Variants in CCSER1 observed in about 807,000 individuals in gnomAD.
The protein encoded by CCSER1 is coiled-coil serine rich protein 1, also known as serine-rich coiled-coil domain-containing protein 1.
In CCSER1, 41 loss-of-function variants were observed where a neutral mutation model predicts 82.0. That is an observed-to-expected ratio of 0.50 (90% CI 0.39 to 0.65). The LOEUF (loss-of-function observed/expected upper bound fraction) is 0.65. CCSER1 is among the 30% of genes least tolerant of loss of function. The pLI, the probability that CCSER1 is intolerant of heterozygous loss-of-function variation, is 0.00. For synonymous variants in CCSER1, 414 were observed against 383.9 expected, an observed-to-expected ratio of 1.08 and a Z score of -0.92; for missense variants, 1,119 against 1,064.2, an observed-to-expected ratio of 1.05 and a Z score of -0.72.
intron 10 of CCSER1, among the ~76,000 whole-genome samples, chr4:91,162,610 C>T (rs1731543288): frequency 6.6e-6 from 1 of 152,118 alleles, no homozygotes; most frequent in African/African-American, 2.4e-5. Context: ...ATTTCAGAGC[C>T]TGTTACTGGT....
At chr4:91,164,935 G>A (rs1421635028) in intron 10 of CCSER1, among the ~76,000 whole-genome samples, 1 of 152,210 alleles carries the variant, frequency 6.6e-6, no homozygotes, top group East Asian at 1.9e-4. Context: ...ACTTCTGTCA[G>A]CTCGTCAAAG....
intron 10 of CCSER1, among the ~76,000 whole-genome samples, chr4:91,130,238 T>C (rs1375607141): frequency 6.6e-6 from 1 of 151,854 alleles, no homozygotes; most frequent in Admixed American, 6.6e-5. Context: ...CTAAATGACT[T>C]ATTTTTATAT....
chr4:90,401,593 G>A (rs948238745), intron 4 of CCSER1, among the ~76,000 whole-genome samples: 2 of 152,074 alleles, frequency 1.3e-5, no homozygotes, highest in Admixed American at 6.5e-5. Context: ...GAGTCCAGTG[G>A]CGTGATCTCA....
intron 10 of CCSER1, among the ~76,000 whole-genome samples, chr4:91,143,910 C>T (rs182389458): frequency 3.9e-3 from 597 of 152,104 alleles, no homozygotes; most frequent in Middle Eastern, 0.01. Flanking sequence ...TATCTATGTT[C>T]ATCAGGGATA....
At chr4:90,230,245 A>G (rs1236879652) in intron 1 of CCSER1, among the ~76,000 whole-genome samples, 1 of 152,176 alleles carries the variant, frequency 6.6e-6, no homozygotes, top group Non-Finnish European at 1.5e-5. Context: ...AGCAAATGTA[A>G]AAGAACAGAA....
intron 1 of CCSER1, among the ~76,000 whole-genome samples, chr4:90,236,814 TATC>T (rs371308876): frequency 7.9e-5 from 12 of 152,286 alleles, no homozygotes; most frequent in East Asian, 7.7e-4. Flanking sequence ...TATTTAAAGT[TATC>T]ATAACATGTT....
chr4:90,948,629 A>G (rs1732545022), intron 9 of CCSER1, among the ~76,000 whole-genome samples: 1 of 152,124 alleles, frequency 6.6e-6, no homozygotes, highest in African/African-American at 2.4e-5. Flanking sequence ...TAATTTTCTA[A>G]GTTTTGTAGA....
chr4:90,357,707 C>T (rs1744612066), intron 3 of CCSER1, among the ~76,000 whole-genome samples: 1 of 151,960 alleles, frequency 6.6e-6, no homozygotes, highest in Non-Finnish European at 1.5e-5. Context: ...TAAAATTTGA[C>T]AAATCATGGT....
intron 10 of CCSER1, among the ~76,000 whole-genome samples, chr4:91,228,598 T>C (rs1188876618): frequency 6.6e-6 from 1 of 152,024 alleles, no homozygotes. Flanking sequence ...AATAAGATCA[T>C]TTTGAAATTT....
intron 10 of CCSER1, among the ~76,000 whole-genome samples, chr4:91,380,468 T>C (rs533218337): frequency 0.019 from 2,912 of 152,216 alleles, 70 homozygotes; most frequent in African/African-American, 0.065. Flanking sequence ...TAGTTAGCTC[T>C]ACTTGTTGAA....
intron 1 of CCSER1, among the ~76,000 whole-genome samples, chr4:90,237,762 C>T (rs552454621): frequency 4.6e-5 from 7 of 152,152 alleles, no homozygotes; most frequent in Admixed American, 1.3e-4. Flanking sequence ...GAAAGAGGAA[C>T]GTTAAATTGA....
intron 1 of CCSER1, among the ~76,000 whole-genome samples, chr4:90,200,148 C>T (rs977161019): frequency 6.6e-6 from 1 of 151,334 alleles, no homozygotes; most frequent in African/African-American, 2.4e-5. Context: ...TTAGTAGCAC[C>T]CAGTTCCCTA....
intron 10 of CCSER1, among the ~76,000 whole-genome samples, chr4:91,103,713 T>C (rs1356913795): frequency 6.6e-6 from 1 of 152,176 alleles, no homozygotes; most frequent in African/African-American, 2.4e-5. Context: ...AGGACCACTG[T>C]GATAATTATG....
At chr4:90,963,477 CT>C (rs1274245226) in intron 9 of CCSER1, among the ~76,000 whole-genome samples, 1 of 151,972 alleles carries the variant, frequency 6.6e-6, no homozygotes, top group African/African-American at 2.4e-5. Context: ...CCCACAGTAG[CT>C]TAGAATGTGA....
intron 1 of CCSER1, among the ~76,000 whole-genome samples, chr4:90,252,232 T>C (rs1253983724): frequency 6.6e-6 from 1 of 151,902 alleles, no homozygotes; most frequent in Non-Finnish European, 1.5e-5. Context: ...CTTTTGAGCA[T>C]CATGTTTTTG....
chr4:90,625,535 T>C (rs1723101677), intron 5 of CCSER1, among the ~76,000 whole-genome samples: 1 of 152,146 alleles, frequency 6.6e-6, no homozygotes, highest in Non-Finnish European at 1.5e-5. Context: ...GCAGATCTAT[T>C]TTTTCATGTA....
chr4:91,495,958 T>C (rs1758781417), intron 10 of CCSER1, among the ~76,000 whole-genome samples: 1 of 151,578 alleles, frequency 6.6e-6, no homozygotes, highest in Non-Finnish European at 1.5e-5. Context: ...CAGTTTAACA[T>C]AGGTGATAGT....
At chr4:90,448,424 T>C (rs1578513981) in intron 4 of CCSER1, among the ~76,000 whole-genome samples, 1 of 141,416 alleles carries the variant, frequency 7.1e-6, no homozygotes, top group Non-Finnish European at 1.5e-5. Context: ...AGACTGCTTT[T>C]TTTTTCTCTA....
intron 3 of CCSER1, among the ~76,000 whole-genome samples, chr4:90,370,681 A>G (rs1747240794): frequency 6.6e-6 from 1 of 152,044 alleles, no homozygotes; most frequent in Non-Finnish European, 1.5e-5. Context: ...AGCTCATTTT[A>G]AATGAGCCCT....
Sources: allele counts gnomAD v4.1 joint callset (sites outside exome capture counted in the v4.1 genomes callset), GRCh38; gene constraint gnomAD v4.1.1; transcripts MANE v1.5; gene names NCBI Gene and HGNC (gene_info 2026-07-23, HGNC 2026-07-21).